Variants in SNX8 observed in about 807,000 individuals in gnomAD.
SNX8 encodes the protein sorting nexin 8.
In SNX8, 25 loss-of-function variants were observed where a neutral mutation model predicts 51.6. That is an observed-to-expected ratio of 0.48 (90% CI 0.35 to 0.68). The LOEUF is 0.68. Ranked by LOEUF, SNX8 falls within the 30% of genes least tolerant of loss-of-function variation. The pLI is 0.00. For missense variants in SNX8, 695 were observed against 624.0 expected (o/e 1.11, Z -1.21); for synonymous variants, 324 against 277.0 (o/e 1.17, Z -1.68).
intron 1 of SNX8, among the ~76,000 whole-genome samples, chr7:2,305,273 C>T (rs1274637656): frequency 6.6e-6 from 1 of 152,188 alleles, no homozygotes; most frequent in African/African-American, 2.4e-5. Flanking sequence ...TCCAACGGGA[C>T]TTGGGGCATG....
At chr7:2,346,481 C>T (rs1200218461) in intron 1 of SNX8, among the ~76,000 whole-genome samples, 1 of 150,730 alleles carries the variant, frequency 6.6e-6, no homozygotes, top group Admixed American at 6.6e-5. Context: ...GGCACGGTGG[C>T]TCACACCTGT....
chr7:2,256,914 A>AGGATGTGGGAGGTGAGGGGCAGGT lies in SNX8; in HGVS notation c.1220_1243dup (p.Ile414_Leu415insHisLeuProLeuThrSerHisIle). 2 of 1,613,498 alleles carry AGGATGTGGGAGGTGAGGGGCAGGT rather than the reference A, an allele frequency of 1.2e-6. No homozygotes were observed. Among genetic ancestry groups the AGGATGTGGGAGGTGAGGGGCAGGT allele is most frequent in the Non-Finnish European group, 1.7e-6 (2 of 1,179,804 alleles). On this transcript the variant is annotated inframe_insertion, in exon 10 of 11. Transcript: ENST00000222990. ...GATCTGAGAGTTGACGAAGGCGCGG[A>AGGATGTGGGAGGTGAGGGGCAGGT]GGATGTGGGAGGTGAGGGGCAGGTA...
intron 10 of SNX8, 48 bp from the exon 11 acceptor site, chr7:2,255,217 C>T: frequency 8.3e-7 from 1 of 1,211,922 alleles, no homozygotes; most frequent in African/African-American, 1.5e-5. Flanking sequence ...GGCCGGGGCT[C>T]CTCCTCACGC....
chr7:2,321,369 C>T (rs1778509674), intron 1 of SNX8, among the ~76,000 whole-genome samples: 1 of 152,132 alleles, frequency 6.6e-6, no homozygotes, highest in Non-Finnish European at 1.5e-5. Context: ...TCAGCAGATC[C>T]TCCCCACAGA....
intron 4 of SNX8, among the ~76,000 whole-genome samples, chr7:2,270,087 C>T (rs1011934380): frequency 3.3e-5 from 5 of 152,166 alleles, no homozygotes; most frequent in Middle Eastern, 3.4e-3. Flanking sequence ...GCATCCATGG[C>T]GCCAGGGACA....
chr7:2,351,349 G>C (rs10258753), intron 1 of SNX8, among the ~76,000 whole-genome samples: 151,550 of 152,202 alleles, frequency 1, 75,451 homozygotes, highest in East Asian at 1. Flanking sequence ...CCCAGGAGTT[G>C]AAGACCAGAC....
intron 1 of SNX8, among the ~76,000 whole-genome samples, chr7:2,312,950 T>A (rs1387189465): frequency 1.3e-5 from 2 of 152,050 alleles, no homozygotes; most frequent in African/African-American, 4.8e-5. Flanking sequence ...CAGGCTGGAG[T>A]GCAGTGGCGC....
intron 1 of SNX8, among the ~76,000 whole-genome samples, chr7:2,286,331 A>G (rs1796027635): frequency 6.6e-6 from 1 of 152,098 alleles, no homozygotes; most frequent in Non-Finnish European, 1.5e-5. Context: ...TACTTTAAAC[A>G]GAAACTTTTC....
At chr7:2,269,451 A>C in intron 5 of SNX8, 108 bp downstream of exon 5, 1 of 536,828 alleles carries the variant, frequency 1.9e-6, no homozygotes, top group South Asian at 2.5e-5. Context: ...CCTTCCCTCC[A>C]CTATTGTCCC....
At chr7:2,334,321 T>A (rs1778787024) in intron 1 of SNX8, among the ~76,000 whole-genome samples, 2 of 151,594 alleles carry the variant, frequency 1.3e-5, no homozygotes, top group Non-Finnish European at 2.9e-5. Flanking sequence ...GAGAATCACT[T>A]GAACCCGGGA....
chr7:2,346,935 A>G (rs1198212049), intron 1 of SNX8, among the ~76,000 whole-genome samples: 14 of 150,450 alleles, frequency 9.3e-5, no homozygotes, highest in Admixed American at 2.0e-4. Flanking sequence ...AAAAAAAAAA[A>G]AAAAAAGAAA....
chr7:2,293,901 G>C (rs939212942), intron 1 of SNX8, among the ~76,000 whole-genome samples: 1 of 151,598 alleles, frequency 6.6e-6, no homozygotes, highest in East Asian at 1.9e-4. Flanking sequence ...GGGAGGGGGA[G>C]GTTGCAGTGA....
chr7:2,334,358 G>A (rs1420911364), intron 1 of SNX8, among the ~76,000 whole-genome samples: 10 of 150,918 alleles, frequency 6.6e-5, no homozygotes, highest in South Asian at 2.1e-4. Context: ...AGCTGAGATC[G>A]CACCACTGGA....
chr7:2,317,831 G>A (rs1376691983), upstream of SNX8, among the ~76,000 whole-genome samples: 2 of 152,036 alleles, frequency 1.3e-5, no homozygotes, highest in Admixed American at 6.6e-5. Flanking sequence ...GGAGGCCAAG[G>A]TTGCAGTGAG....
intron 1 of SNX8, among the ~76,000 whole-genome samples, chr7:2,321,072 C>T (rs1584738398): frequency 6.6e-6 from 1 of 151,508 alleles, no homozygotes; most frequent in South Asian, 2.1e-4. Context: ...TGTGTGTAGC[C>T]GGTGGGAGGC....
intron 1 of SNX8, among the ~76,000 whole-genome samples, chr7:2,302,703 CT>C (rs1353439491): frequency 1.3e-5 from 2 of 151,638 alleles, no homozygotes; most frequent in Non-Finnish European, 1.5e-5. Flanking sequence ...TGAGGAGTGT[CT>C]TTGCCCGGCC....
At chr7:2,290,711 C>G (rs1035479371) in intron 1 of SNX8, among the ~76,000 whole-genome samples, 1 of 152,174 alleles carries the variant, frequency 6.6e-6, no homozygotes, top group Non-Finnish European at 1.5e-5. Flanking sequence ...GGGACCGCGC[C>G]TCAGTCAGCC....
chr7:2,321,090 G>A (rs1778500613), intron 1 of SNX8, among the ~76,000 whole-genome samples: 1 of 151,734 alleles, frequency 6.6e-6, no homozygotes, highest in Non-Finnish European at 1.5e-5. Context: ...GGCACTGCAG[G>A]GACAGCCAGA....
chr7:2,351,627 G>T (rs60256256), intron 1 of SNX8, among the ~76,000 whole-genome samples: 113,832 of 151,296 alleles, frequency 0.75, 43,057 homozygotes, highest in East Asian at 0.92. Flanking sequence ...GGTCAGGAGA[G>T]TGAGACCATC....
Sources: gnomAD v4.1 joint callset for allele counts (sites outside exome capture counted in the v4.1 genomes callset) on GRCh38, gnomAD v4.1.1 for gene constraint, MANE v1.5 for transcripts, NCBI Gene and HGNC (gene_info 2026-07-23, HGNC 2026-07-21) for gene names.